The following EYS variants were observed in gnomAD, a reference collection of about 807,000 sequenced individuals.
EYS encodes EGF-like photoreceptor maintenance factor.
EYS carries 250 observed loss-of-function variants against 282.1 expected under a neutral mutation model. That is an observed-to-expected ratio of 0.89 (90% CI 0.80 to 0.98). The LOEUF (loss-of-function observed/expected upper bound fraction) is 0.98, where lower values mean the gene tolerates loss of function less well. Among genes scored for constraint, EYS ranks in the 50% least tolerant of loss-of-function variants. The probability of loss-of-function intolerance (pLI) is 0.00; values close to 1 mark genes in which losing one functional copy is unlikely to be tolerated. For missense variants in EYS, 4,016 were observed against 3,709.0 expected, an observed-to-expected ratio of 1.08 and a Z score of -2.15; for synonymous variants, 1,355 against 1,282.9, an observed-to-expected ratio of 1.06 and a Z score of -1.20.
intron 26 of EYS, among the ~76,000 whole-genome samples, chr6:64,461,409 G>T (rs1332038089): frequency 6.6e-6 from 1 of 152,150 alleles, no homozygotes; most frequent in African/African-American, 2.4e-5. Flanking sequence ...CAGGAGGAAG[G>T]TTTACAAGCC....
intron 26 of EYS, among the ~76,000 whole-genome samples, chr6:64,555,926 T>C (rs888731846): frequency 1.3e-5 from 2 of 151,738 alleles, no homozygotes; most frequent in Non-Finnish European, 2.9e-5. Context: ...AAGTAAAATC[T>C]AAAATAATAC....
rs866827358 is a variant in EYS at position 64,252,885 on chromosome 6, A to C, written c.6192-22061T>G. On this transcript the variant is annotated intron_variant, in intron 30 of 42. Transcript: ENST00000503581. ...CTCCTAGAATCTAAACTGTAACTTC[A>C]GTGATTTTATCTATTTCTTCACTCC... 2.6e-5 allele frequency among the ~76,000 whole-genome samples: 4 copies of C among 152,270 alleles called. No individual in the cohort carries two copies. The South Asian group carries it at 6.2e-4, about 24-fold the overall frequency.
At chr6:65,050,562 G>T (rs1034677242) in intron 13 of EYS, among the ~76,000 whole-genome samples, 1 of 147,516 alleles carries the variant, frequency 6.8e-6, no homozygotes, top group Non-Finnish European at 1.5e-5. Context: ...ATCTGGACTT[G>T]ACTTTAATAC....
chr6:64,347,957 T>C (rs1273593952), intron 29 of EYS, among the ~76,000 whole-genome samples: 7 of 151,400 alleles, frequency 4.6e-5, no homozygotes, highest in Non-Finnish European at 1.0e-4. Context: ...CATTTTTGTA[T>C]TAAAGATAAA....
chr6:64,859,400 T>G (rs954921917), intron 19 of EYS, among the ~76,000 whole-genome samples: 1 of 151,744 alleles, frequency 6.6e-6, no homozygotes, highest in African/African-American at 2.4e-5. Flanking sequence ...ACCTGTATAT[T>G]GAAAACTTTA....
intron 31 of EYS, among the ~76,000 whole-genome samples, chr6:64,110,092 G>T (rs773576426): frequency 6.6e-6 from 1 of 151,896 alleles, no homozygotes; most frequent in Non-Finnish European, 1.5e-5. Context: ...TTGGATTAAG[G>T]ATAAAAATAC....
chr6:64,322,490 C>T (rs762680605), intron 29 of EYS, among the ~76,000 whole-genome samples: 5 of 151,870 alleles, frequency 3.3e-5, no homozygotes, highest in African/African-American at 9.7e-5. Flanking sequence ...GGAACTACCA[C>T]GGAAGCAAGG....
intron 14 of EYS, among the ~76,000 whole-genome samples, chr6:64,989,918 T>C (rs959435576): frequency 4.0e-5 from 6 of 150,878 alleles, no homozygotes; most frequent in Non-Finnish European, 4.4e-5. Context: ...GGTGTTAAGC[T>C]CTATTTATCG....
chr6:64,489,465 A>G (rs1776671996), intron 26 of EYS, among the ~76,000 whole-genome samples: 1 of 149,388 alleles, frequency 6.7e-6, no homozygotes, highest in Non-Finnish European at 1.5e-5. Flanking sequence ...GTTATTCAAA[A>G]TAGAAAAAAG....
intron 9 of EYS, among the ~76,000 whole-genome samples, chr6:65,346,039 C>A (rs943101513): frequency 6.6e-6 from 1 of 151,800 alleles, no homozygotes; most frequent in Non-Finnish European, 1.5e-5. Flanking sequence ...CCTCACTCAG[C>A]TTTACAAACA....
intron 2 of EYS, among the ~76,000 whole-genome samples, chr6:65,517,510 A>G (rs1244159713): frequency 6.6e-6 from 1 of 152,062 alleles, no homozygotes; most frequent in Non-Finnish European, 1.5e-5. Flanking sequence ...TATTATGTAA[A>G]GTGAGGTTAC....
intron 22 of EYS, chr6:64,733,481 CTTCTT>C: frequency 5.2e-6 from 1 of 191,294 alleles, no homozygotes; most frequent in East Asian, 1.2e-4. Context: ...TGGTTGAAGT[CTTCTT>C]TTCAGCCTCT....
chr6:64,932,970 T>C (rs193046158), intron 15 of EYS, among the ~76,000 whole-genome samples: 33 of 152,164 alleles, frequency 2.2e-4, no homozygotes, highest in Admixed American at 7.2e-4. Context: ...GTTATGCTAT[T>C]TAAAATGTCA....
intron 7 of EYS, among the ~76,000 whole-genome samples, chr6:65,391,164 T>C (rs1174994540): frequency 3.9e-5 from 6 of 152,048 alleles, no homozygotes; most frequent in African/African-American, 1.4e-4. Flanking sequence ...TTTATACTGA[T>C]GAGAACATAT....
At chr6:64,990,488 T>C (rs1046365596) in intron 14 of EYS, among the ~76,000 whole-genome samples, 2 of 151,756 alleles carry the variant, frequency 1.3e-5, no homozygotes, top group Admixed American at 1.3e-4. Flanking sequence ...GAAATCAGCT[T>C]AATTTGTCTC....
chr6:65,086,939 C>G (rs1160481204), intron 12 of EYS, among the ~76,000 whole-genome samples: 1 of 151,966 alleles, frequency 6.6e-6, no homozygotes, highest in Non-Finnish European at 1.5e-5. Context: ...TCTCCTGCCT[C>G]AGCCCCCTGA....
chr6:64,502,689 G>T (rs1777093791), intron 26 of EYS, among the ~76,000 whole-genome samples: 1 of 151,390 alleles, frequency 6.6e-6, no homozygotes, highest in Non-Finnish European at 1.5e-5. Context: ...CTCTGCTATT[G>T]ACAGTTTTGT....
At chr6:65,252,592 C>T (rs1380821380) in intron 12 of EYS, among the ~76,000 whole-genome samples, 1 of 151,860 alleles carries the variant, frequency 6.6e-6, no homozygotes, top group Non-Finnish European at 1.5e-5. Context: ...ATATGAAGAA[C>T]CAGAAAAATA....
chr6:65,495,517 A>G lies in EYS; in HGVS notation c.-107T>C, dbSNP rs1766226813. The G allele has an allele frequency of 1.6e-6, 2 of 1,220,160 alleles. No homozygotes were observed. The highest frequency in any genetic ancestry group is 2.6e-5 in the South Asian group (2 of 77,310). 75.6% of individuals were successfully genotyped at this position (1,220,160 alleles called of 1,614,324 possible). On this transcript the variant is annotated 5_prime_UTR_variant, in exon 4 of 43. Coordinates refer to ENST00000503581, the MANE Select transcript of EYS (RefSeq NM_001142800.2). ...AAAGTTGTGGTTAAGGATTCCTGGG[A>G]ATTGGAATTGACCTTTTTTCTATAC...
Sources: gnomAD v4.1 joint callset for allele counts (sites outside exome capture counted in the v4.1 genomes callset) on GRCh38, gnomAD v4.1.1 for gene constraint, MANE v1.5 for transcripts, NCBI Gene and HGNC (gene_info 2026-07-23, HGNC 2026-07-21) for gene names.